Variants in NRXN3 observed in about 807,000 individuals in gnomAD.
NRXN3 encodes neurexin 3.
Under a neutral mutation model 137.6 loss-of-function variants are expected in NRXN3, and 32 were observed. That is an observed-to-expected ratio of 0.23 (90% CI 0.18 to 0.31). The LOEUF (loss-of-function observed/expected upper bound fraction) is 0.31, where lower values mean the gene tolerates loss of function less well. Among genes scored for constraint, NRXN3 ranks in the 10% least tolerant of loss-of-function variants. The pLI is 1.00. For synonymous variants in NRXN3, 798 were observed against 784.5 expected (o/e 1.02, Z -0.29); for missense variants, 1,574 against 2,062.5 (o/e 0.76, Z 4.59).
chr14:79,453,883 A>G (rs1045578286), intron 15 of NRXN3, among the ~76,000 whole-genome samples: 1 of 152,024 alleles, frequency 6.6e-6, no homozygotes, highest in Non-Finnish European at 1.5e-5. Context: ...ATGCTCACTG[A>G]TCCAATTCCA....
At chr14:79,130,007 CT>C (rs1221460651) in intron 15 of NRXN3, among the ~76,000 whole-genome samples, 3 of 151,598 alleles carry the variant, frequency 2.0e-5, no homozygotes, top group Non-Finnish European at 2.9e-5. Context: ...CAACCCCTGC[CT>C]TTTTTTGTTT....
chr14:79,756,086 T>G (rs770006046), intron 19 of NRXN3, among the ~76,000 whole-genome samples: 6 of 152,138 alleles, frequency 3.9e-5, no homozygotes, highest in Non-Finnish European at 8.8e-5. Context: ...AAAATCATCA[T>G]AGCTCTGCTT....
At chr14:78,795,122 A>G (rs944833136) in intron 8 of NRXN3, among the ~76,000 whole-genome samples, 5 of 152,140 alleles carry the variant, frequency 3.3e-5, no homozygotes, top group African/African-American at 1.2e-4. Context: ...TTAATTTGAT[A>G]TTTGATTTTT....
At chr14:79,037,110 G>A (rs2099617352) in intron 15 of NRXN3, among the ~76,000 whole-genome samples, 1 of 152,056 alleles carries the variant, frequency 6.6e-6, no homozygotes, top group South Asian at 2.1e-4. Flanking sequence ...GAGGAAGGGA[G>A]TGCTCTAGCT....
At chr14:78,369,867 TAATCCCA>T (rs1287647090) in intron 4 of NRXN3, among the ~76,000 whole-genome samples, 1 of 147,768 alleles carries the variant, frequency 6.8e-6, no homozygotes, top group Non-Finnish European at 1.5e-5. Context: ...TGAAACTCAA[TAATCCCA>T]AGTGGCAAAT....
At chr14:79,630,742 T>A (rs2098336290) in intron 16 of NRXN3, among the ~76,000 whole-genome samples, 1 of 152,186 alleles carries the variant, frequency 6.6e-6, no homozygotes, top group Admixed American at 6.5e-5. Context: ...GTGAAAATAG[T>A]CCTTCTATAA....
intron 19 of NRXN3, among the ~76,000 whole-genome samples, chr14:79,758,421 G>T (rs561469655): frequency 2.0e-5 from 3 of 152,148 alleles, no homozygotes; most frequent in East Asian, 3.9e-4. Context: ...GCAAGAGAGA[G>T]GATAGGAGGT....
chr14:78,557,046 C>T (rs2096745402), intron 4 of NRXN3, among the ~76,000 whole-genome samples: 1 of 142,134 alleles, frequency 7.0e-6, no homozygotes, highest in Non-Finnish European at 1.5e-5. Context: ...CTCCTCCCCT[C>T]TCCGCTCCCT....
At chr14:79,408,199 C>T (rs780008145) in intron 15 of NRXN3, among the ~76,000 whole-genome samples, 1 of 152,124 alleles carries the variant, frequency 6.6e-6, no homozygotes, top group African/African-American at 2.4e-5. Context: ...GCACTGAACA[C>T]TATTTCTCTT....
At chr14:79,348,706 G>A (rs892132601) in intron 15 of NRXN3, among the ~76,000 whole-genome samples, 1 of 152,136 alleles carries the variant, frequency 6.6e-6, no homozygotes, top group African/African-American at 2.4e-5. Context: ...CTTAGAGTAG[G>A]GCAGTCGCCA....
intron 10 of NRXN3, among the ~76,000 whole-genome samples, chr14:78,848,611 A>G (rs1332468524): frequency 6.6e-6 from 1 of 152,204 alleles, no homozygotes; most frequent in Non-Finnish European, 1.5e-5. Context: ...ATGAAATAAT[A>G]GAAGAAAGTC....
intron 8 of NRXN3, among the ~76,000 whole-genome samples, chr14:78,784,104 G>C: frequency 6.7e-6 from 1 of 150,152 alleles, no homozygotes; most frequent in South Asian, 2.1e-4. Context: ...AAATTAATTA[G>C]ATATTTTCGG....
chr14:79,600,096 G>A (rs979356919), intron 16 of NRXN3, among the ~76,000 whole-genome samples: 4 of 152,192 alleles, frequency 2.6e-5, no homozygotes, highest in African/African-American at 9.6e-5. Context: ...AGAAGTTAAA[G>A]GGCTTGAGCA....
At position 79,188,615 on chromosome 14, in the gene NRXN3, C is replaced by T. The variant is rs552988463; in HGVS notation, c.3262+200474C>T. On this transcript the variant is annotated intron_variant, in intron 15 of 20. Transcript: ENST00000335750. ...AGGGGACAGCAGCCATTCTTAAATC[C>T]ACCATACTTTTGAATAGCTATCATT... 7.9e-5 allele frequency among the ~76,000 whole-genome samples: 12 copies of T among 152,266 alleles called. No homozygotes were observed. In the South Asian group the frequency reaches 2.5e-3, roughly 32 times the overall value.
At position 78,577,653 on chromosome 14, in the gene NRXN3, T is replaced by TG. The variant is rs541297046; in HGVS notation, c.758-67463dup. Among the ~76,000 whole-genome samples, 416 of 152,190 alleles carry TG rather than the reference T, an allele frequency of 2.7e-3. 3 individuals carry two copies. Among genetic ancestry groups the TG allele is most frequent in the African/African-American group, 9.5e-3 (396 of 41,524 alleles). ...GCTAATTTTGTATTTTTAGTAGAGA[T>TG]GGGGTTTCTCCATGTTGGTCAGGCT... On this transcript the variant is annotated intron_variant, in intron 4 of 20. Coordinates refer to ENST00000335750, the MANE Select transcript of NRXN3 (RefSeq NM_001330195.2).
intron 15 of NRXN3, among the ~76,000 whole-genome samples, chr14:79,249,934 A>G (rs1221762231): frequency 6.6e-6 from 1 of 152,212 alleles, no homozygotes; most frequent in Non-Finnish European, 1.5e-5. Context: ...TAAAGTATAT[A>G]CCTGTATTAT....
intron 16 of NRXN3, among the ~76,000 whole-genome samples, chr14:79,514,469 C>G (rs1567348717): frequency 1.3e-5 from 2 of 152,152 alleles, no homozygotes; most frequent in Non-Finnish European, 2.9e-5. Flanking sequence ...ATTACCTGAT[C>G]CTGCTCTACA....
At chr14:79,345,251 A>G (rs2092810397) in intron 15 of NRXN3, among the ~76,000 whole-genome samples, 1 of 152,170 alleles carries the variant, frequency 6.6e-6, no homozygotes, top group Non-Finnish European at 1.5e-5. Flanking sequence ...TCGTGTTTCA[A>G]ATATTTTTAG....
intron 20 of NRXN3, among the ~76,000 whole-genome samples, chr14:79,840,527 C>G (rs1270015587): frequency 6.6e-6 from 1 of 152,090 alleles, no homozygotes; most frequent in African/African-American, 2.4e-5. Flanking sequence ...TTGTAAGTTC[C>G]CATACTCAGT....
Sources: gnomAD v4.1 joint callset for allele counts (sites outside exome capture counted in the v4.1 genomes callset) on GRCh38, gnomAD v4.1.1 for gene constraint, MANE v1.5 for transcripts, NCBI Gene and HGNC (gene_info 2026-07-23, HGNC 2026-07-21) for gene names.